The following NAALADL2 variants were observed in gnomAD, a reference collection of about 807,000 sequenced individuals.
NAALADL2 encodes inactive N-acetylated-alpha-linked acidic dipeptidase-like protein 2.
NAALADL2 carries 76 observed loss-of-function variants against 87.2 expected under a neutral mutation model. That is an observed-to-expected ratio of 0.87 (90% CI 0.72 to 1.05). The LOEUF (loss-of-function observed/expected upper bound fraction) is 1.05. Among genes scored for constraint, NAALADL2 ranks in the 50% least tolerant of loss-of-function variants. NAALADL2 has a pLI of 0.00. For synonymous variants in NAALADL2, 354 were observed against 331.0 expected, an observed-to-expected ratio of 1.07 and a Z score of -0.75; for missense variants, 1,089 against 945.8, an observed-to-expected ratio of 1.15 and a Z score of -1.99.
chr3:175,788,753 T>G (rs1752419336), intron 13 of NAALADL2, among the ~76,000 whole-genome samples: 1 of 152,194 alleles, frequency 6.6e-6, no homozygotes, highest in African/African-American at 2.4e-5. Context: ...TAAATATATT[T>G]CTTAGAAAAC....
chr3:174,575,115 A>G (rs775455894), intron 2 of NAALADL2, among the ~76,000 whole-genome samples: 8 of 152,084 alleles, frequency 5.3e-5, no homozygotes, highest in Non-Finnish European at 8.8e-5. Flanking sequence ...TGATTGTACC[A>G]TTTTGGTTAA....
At chr3:175,476,151 A>G (rs1262209624) in intron 9 of NAALADL2, among the ~76,000 whole-genome samples, 1 of 152,222 alleles carries the variant, frequency 6.6e-6, no homozygotes, top group Non-Finnish European at 1.5e-5. Flanking sequence ...CAAAATGCAT[A>G]CATATATTTC....
intron 1 of NAALADL2, among the ~76,000 whole-genome samples, chr3:175,050,016 T>A (rs1238931731): frequency 6.6e-6 from 1 of 152,186 alleles, no homozygotes; most frequent in Non-Finnish European, 1.5e-5. Context: ...TTTCTCCAGG[T>A]ACTCTGATTA....
chr3:174,501,659 C>T (rs1234878558), intron 1 of NAALADL2, among the ~76,000 whole-genome samples: 3 of 152,094 alleles, frequency 2.0e-5, no homozygotes, highest in African/African-American at 7.2e-5. Context: ...TTTTCCATTT[C>T]ATCTAAGTTG....
intron 1 of NAALADL2, among the ~76,000 whole-genome samples, chr3:174,519,158 G>A (rs1720109307): frequency 1.3e-5 from 2 of 152,076 alleles, no homozygotes; most frequent in South Asian, 4.2e-4. Context: ...TATTTGGTAA[G>A]TATGCTCAAT....
chr3:175,725,717 G>T (rs1230560411), intron 11 of NAALADL2, among the ~76,000 whole-genome samples: 3 of 152,058 alleles, frequency 2.0e-5, no homozygotes, highest in Non-Finnish European at 4.4e-5. Context: ...TCTCAAAATT[G>T]CCATGTACTA....
chr3:175,198,932 C>T (rs1739398265), intron 2 of NAALADL2, among the ~76,000 whole-genome samples: 2 of 151,942 alleles, frequency 1.3e-5, no homozygotes, highest in South Asian at 4.1e-4. Flanking sequence ...AAAACAGGAC[C>T]TATTTGCTGT....
intron 1 of NAALADL2, among the ~76,000 whole-genome samples, chr3:174,966,086 A>T (rs1395389514): frequency 2.0e-5 from 3 of 152,162 alleles, no homozygotes; most frequent in Non-Finnish European, 4.4e-5. Context: ...AGACCAGATC[A>T]TTATTACCAT....
chr3:174,760,722 T>G (rs1375269097), intron 3 of NAALADL2, among the ~76,000 whole-genome samples: 1 of 152,210 alleles, frequency 6.6e-6, no homozygotes, highest in Non-Finnish European at 1.5e-5. Context: ...TTCTAATGTG[T>G]TTGGCTGTGA....
intron 1 of NAALADL2, among the ~76,000 whole-genome samples, chr3:174,487,050 T>G (rs898979784): frequency 1.1e-4 from 16 of 152,068 alleles, no homozygotes; most frequent in African/African-American, 3.6e-4. Context: ...GTTGCAAATT[T>G]CTCTCTGGTC....
chr3:174,702,925 A>G (rs781590506), intron 2 of NAALADL2, among the ~76,000 whole-genome samples: 11 of 152,198 alleles, frequency 7.2e-5, no homozygotes, highest in Non-Finnish European at 1.3e-4. Context: ...AGATGATGCT[A>G]TGCTACATAA....
At chr3:174,907,656 C>G (rs1177653688) in intron 1 of NAALADL2, among the ~76,000 whole-genome samples, 1 of 152,046 alleles carries the variant, frequency 6.6e-6, no homozygotes, top group Non-Finnish European at 1.5e-5. Flanking sequence ...TCTTCCTTTT[C>G]TATGATGACA....
chr3:175,548,649 T>C (rs1284097273), intron 9 of NAALADL2, among the ~76,000 whole-genome samples: 1 of 152,036 alleles, frequency 6.6e-6, no homozygotes, highest in East Asian at 1.9e-4. Flanking sequence ...TTGCTAAATT[T>C]AAGTACTGCT....
intron 7 of NAALADL2, among the ~76,000 whole-genome samples, chr3:175,465,457 A>T (rs1313925039): frequency 1.4e-5 from 2 of 143,204 alleles, no homozygotes; most frequent in South Asian, 2.1e-4. Flanking sequence ...CACACTATGT[A>T]TACCATGAAT....
rs539673893 is a variant in NAALADL2 at position 174,496,541 on chromosome 3, G to A, written c.-183-54028G>A. 2.3e-3 allele frequency among the ~76,000 whole-genome samples: 343 copies of A among 148,200 alleles called. 1 individual carries two copies. Among genetic ancestry groups the A allele is most frequent in the African/African-American group, 8.1e-3 (328 of 40,604 alleles). On this transcript the variant is annotated intron_variant, in intron 1 of 3. Transcript: ENST00000434257. Reference sequence around the variant, plus strand: ...ATATATATATATATATGTAAGAATTGGATAAAGAGAAGGATTTGGCCATAT... The same window carrying A: ...ATATATATATATATATGTAAGAATTAGATAAAGAGAAGGATTTGGCCATAT...
chr3:175,669,562 T>G (rs1733655424), intron 11 of NAALADL2, among the ~76,000 whole-genome samples: 1 of 152,090 alleles, frequency 6.6e-6, no homozygotes, highest in African/African-American at 2.4e-5. Context: ...TTTATTATTA[T>G]AGTTGTAATA....
At chr3:175,164,423 ATAAAGAAT>A (rs968911965) in intron 2 of NAALADL2, among the ~76,000 whole-genome samples, 19 of 152,062 alleles carry the variant, frequency 1.2e-4, no homozygotes, top group African/African-American at 4.6e-4. Context: ...ACTAATAGAA[ATAAAGAAT>A]TAAAGGAAAG....
chr3:175,771,703 A>C (rs144277602), intron 13 of NAALADL2, among the ~76,000 whole-genome samples: 79 of 152,306 alleles, frequency 5.2e-4, no homozygotes, highest in Middle Eastern at 3.4e-3. Context: ...GATTGGATTT[A>C]GGGCTCATTC....
chr3:174,870,568 T>C (rs1727701961), intron 1 of NAALADL2, among the ~76,000 whole-genome samples: 1 of 150,370 alleles, frequency 6.7e-6, no homozygotes, highest in South Asian at 2.1e-4. Context: ...TATCTTGTTA[T>C]TATTATCAAT....
Sources: gnomAD v4.1 joint callset for allele counts (sites outside exome capture counted in the v4.1 genomes callset) on GRCh38, gnomAD v4.1.1 for gene constraint, MANE v1.5 for transcripts, NCBI Gene and HGNC (gene_info 2026-07-23, HGNC 2026-07-21) for gene names.